Variants in SH3RF3 observed in about 807,000 individuals in gnomAD.
The protein encoded by SH3RF3 is SH3 domain containing ring finger 3, also known as E3 ubiquitin-protein ligase SH3RF3.
Under a neutral mutation model 66.3 loss-of-function variants are expected in SH3RF3, and 29 were observed. The observed-to-expected ratio is 0.44, with a 90% CI of 0.33 to 0.60. The LOEUF (loss-of-function observed/expected upper bound fraction) is 0.60, where lower values mean the gene tolerates loss of function less well. Among genes scored for constraint, SH3RF3 ranks in the 20% least tolerant of loss-of-function variants. The pLI is 0.04. For synonymous variants in SH3RF3, 583 were observed against 532.0 expected, an observed-to-expected ratio of 1.10 and a Z score of -1.32; for missense variants, 1,194 against 1,190.9, an observed-to-expected ratio of 1.00 and a Z score of -0.04.
intron 1 of SH3RF3, among the ~76,000 whole-genome samples, chr2:109,209,164 G>A (rs1229003743): frequency 6.6e-6 from 1 of 152,212 alleles, no homozygotes; most frequent in Non-Finnish European, 1.5e-5. Context: ...GCTGTGGTCT[G>A]CCTGGGCATC....
At chr2:109,188,537 C>A (rs566452097) in intron 1 of SH3RF3, among the ~76,000 whole-genome samples, 1 of 152,202 alleles carries the variant, frequency 6.6e-6, no homozygotes, top group South Asian at 2.1e-4. Flanking sequence ...TTCAGAGAAG[C>A]GGCATCCCCC....
At chr2:109,458,572 CAGAGAGAGAG>C (rs70958708) in intron 8 of SH3RF3, among the ~76,000 whole-genome samples, 6 of 123,052 alleles carry the variant, frequency 4.9e-5, no homozygotes, top group South Asian at 5.5e-4. Context: ...CAGCAGGAGA[CAGAGAGAGAG>C]AGAGAGAGAG....
chr2:109,430,226 G>A (rs958001446), intron 5 of SH3RF3, among the ~76,000 whole-genome samples: 23 of 152,342 alleles, frequency 1.5e-4, no homozygotes, highest in African/African-American at 5.3e-4. Context: ...TGCGCATTCT[G>A]CATGTGGCCA....
intron 8 of SH3RF3, among the ~76,000 whole-genome samples, chr2:109,468,471 T>G (rs942865449): frequency 7.2e-5 from 11 of 152,184 alleles, no homozygotes; most frequent in Non-Finnish European, 1.0e-4. Flanking sequence ...TCATGCTGCT[T>G]GGTCCCACTG....
chr2:109,473,641 G>A (rs1483865941), intron 8 of SH3RF3, among the ~76,000 whole-genome samples: 1 of 152,172 alleles, frequency 6.6e-6, no homozygotes, highest in Non-Finnish European at 1.5e-5. Context: ...GGGGAGGGAT[G>A]AGGGAGCATA....
intron 4 of SH3RF3, among the ~76,000 whole-genome samples, chr2:109,413,960 A>G (rs188449997): frequency 6.6e-6 from 1 of 152,238 alleles, no homozygotes; most frequent in Non-Finnish European, 1.5e-5. Flanking sequence ...GCATGTCAGC[A>G]TTCCCAAGAC....
At position 109,398,763 on chromosome 2, in the gene SH3RF3, G is replaced by A. The variant is rs1460771043; in HGVS notation, c.1119G>A (p.Lys373=). Reference sequence around the variant, plus strand: ...CCTTTCAGCGGCGTGTGGATGGCAAGAAGAACACCAAGAAACGCCACTCCT... The same window carrying A: ...CCTTTCAGCGGCGTGTGGATGGCAAAAAGAACACCAAGAAACGCCACTCCT... ...VSAFQRRVDG[K]KNTKKRHSFT... Residue 373 remains lysine (K), a synonymous_variant, in exon 4 of 10, where the codon AAG becomes AAA. Transcript: ENST00000309415. The A allele has an allele frequency of 1.2e-6, 2 of 1,613,692 alleles. No individual in the cohort carries two copies. The highest frequency in any genetic ancestry group is 2.2e-5 in the South Asian group (2 of 90,964).
intron 1 of SH3RF3, among the ~76,000 whole-genome samples, chr2:109,222,437 T>C (rs1391300655): frequency 6.6e-6 from 1 of 152,230 alleles, no homozygotes; most frequent in Non-Finnish European, 1.5e-5. Flanking sequence ...TATCAAAATA[T>C]TATATGTACC....
intron 1 of SH3RF3, among the ~76,000 whole-genome samples, chr2:109,242,930 G>A (rs929628386): frequency 6.6e-6 from 1 of 152,216 alleles, no homozygotes; most frequent in African/African-American, 2.4e-5. Flanking sequence ...ATCAGGAATT[G>A]CAGCCAAAGG....
At chr2:109,443,099 G>C (rs1677613928) in intron 7 of SH3RF3, among the ~76,000 whole-genome samples, 1 of 152,226 alleles carries the variant, frequency 6.6e-6, no homozygotes, top group Non-Finnish European at 1.5e-5. Context: ...TGTGAATACT[G>C]AACTATTGCT....
intron 1 of SH3RF3, among the ~76,000 whole-genome samples, chr2:109,177,859 AC>A (rs549567042): frequency 4.8e-4 from 73 of 152,374 alleles, no homozygotes; most frequent in African/African-American, 1.7e-3. Context: ...TAGGTCAAGA[AC>A]AAGTAAAGTT....
At position 109,383,060 on chromosome 2, in the gene SH3RF3, G is replaced by C. The variant is rs918357615; in HGVS notation, c.945+11379G>C. On this transcript the variant is annotated intron_variant, in intron 3 of 9. Coordinates refer to ENST00000309415, the MANE Select transcript of SH3RF3 (RefSeq NM_001099289.3). ...ATTTAAAGAAGTTTGGAGGAAACCGGTGTCAGATTCCATGCAGCCCTGAGG... is the reference window on the plus strand; with the variant it reads ...ATTTAAAGAAGTTTGGAGGAAACCGCTGTCAGATTCCATGCAGCCCTGAGG... 5.3e-5 allele frequency among the ~76,000 whole-genome samples: 8 copies of C among 152,356 alleles called. 1 individual carries two copies. The highest frequency in any genetic ancestry group is 5.2e-4 in the Admixed American group (8 of 15,314).
At chr2:109,434,843 A>T (rs912723775) in intron 6 of SH3RF3, among the ~76,000 whole-genome samples, 5 of 152,218 alleles carry the variant, frequency 3.3e-5, no homozygotes, top group African/African-American at 1.2e-4. Flanking sequence ...GGTGCTCAAT[A>T]AATGCAGATC....
chr2:109,281,581 G>A (rs778471412), intron 1 of SH3RF3, among the ~76,000 whole-genome samples: 78 of 152,190 alleles, frequency 5.1e-4, no homozygotes, highest in Non-Finnish European at 4.9e-4. Flanking sequence ...AAGGATGGGA[G>A]CCTCTGGGAT....
intron 1 of SH3RF3, among the ~76,000 whole-genome samples, chr2:109,267,112 G>A (rs1302878663): frequency 6.6e-6 from 1 of 152,116 alleles, no homozygotes; most frequent in Non-Finnish European, 1.5e-5. Flanking sequence ...GATGGGTATC[G>A]CTCAGTAATC....
intron 1 of SH3RF3, among the ~76,000 whole-genome samples, chr2:109,222,481 A>G (rs1679277816): frequency 6.9e-6 from 1 of 145,700 alleles, no homozygotes; most frequent in Admixed American, 6.7e-5. Context: ...GTATCAGTAA[A>G]AGTTCCTCCA....
intron 8 of SH3RF3, among the ~76,000 whole-genome samples, chr2:109,455,501 A>G (rs1324826363): frequency 6.7e-6 from 1 of 149,424 alleles, no homozygotes. Flanking sequence ...CCCATTAAAT[A>G]TATGTATATC....
chr2:109,199,135 G>A (rs1678578557), intron 1 of SH3RF3, among the ~76,000 whole-genome samples: 1 of 151,810 alleles, frequency 6.6e-6, no homozygotes, highest in South Asian at 2.1e-4. Context: ...TGAGGCGGGT[G>A]GATCACAAGG....
intron 1 of SH3RF3, among the ~76,000 whole-genome samples, chr2:109,168,427 TC>T (rs1233349641): frequency 6.6e-6 from 1 of 152,210 alleles, no homozygotes; most frequent in Non-Finnish European, 1.5e-5. Context: ...CTAGCTAGAT[TC>T]CTGTGCTTGC....
Sources: gnomAD v4.1 joint callset for allele counts (sites outside exome capture counted in the v4.1 genomes callset) on GRCh38, gnomAD v4.1.1 for gene constraint, MANE v1.5 for transcripts, NCBI Gene and HGNC (gene_info 2026-07-23, HGNC 2026-07-21) for gene names.